MYLK: variants seen among roughly 807,000 people sequenced by gnomAD.
MYLK encodes myosin light chain kinase, smooth muscle.
MYLK carries 106 observed loss-of-function variants against 203.4 expected under a neutral mutation model. The observed-to-expected ratio is 0.52, with a 90% CI of 0.45 to 0.61. The LOEUF is 0.61. Ranked by LOEUF, MYLK falls within the 20% of genes least tolerant of loss-of-function variation. The pLI is 0.00. For synonymous variants in MYLK, 867 were observed against 959.5 expected, an observed-to-expected ratio of 0.90 and a Z score of 1.78; for missense variants, 2,072 against 2,442.3, an observed-to-expected ratio of 0.85 and a Z score of 3.20.
intron 2 of MYLK, among the ~76,000 whole-genome samples, chr3:123,865,384 A>C (rs4118366): frequency 0.81 from 123,906 of 152,162 alleles, 50,571 homozygotes; most frequent in East Asian, 0.96. Context: ...TTCAGCAGTG[A>C]AGAATATGAA....
intron 8 of MYLK, 75 bp downstream of exon 8, chr3:123,737,303 T>C: frequency 1.3e-6 from 2 of 1,596,962 alleles, no homozygotes; most frequent in East Asian, 4.5e-5. Flanking sequence ...AGGTGCGCAG[T>C]GAACAAGCAG....
At position 123,612,080 on chromosome 3, in the gene MYLK, T is replaced by C. The variant is rs1454948004; in HGVS notation, c.*2025A>G. On this transcript the variant is annotated 3_prime_UTR_variant, in exon 34 of 34. Transcript: ENST00000360304. Reference sequence around the variant, plus strand: ...TATCCTTCTAGAATGATTGATATAGTACTAAGCTGATGCTCAAGAGAAATT... The same window carrying C: ...TATCCTTCTAGAATGATTGATATAGCACTAAGCTGATGCTCAAGAGAAATT... 1 of 152,542 alleles carries C rather than the reference T, an allele frequency of 6.6e-6. No homozygotes were observed. The highest frequency in any genetic ancestry group is 6.5e-5 in the Admixed American group (1 of 15,280). The allele number at this position is 152,542 out of a possible 1,614,324, so 9.4% of individuals were successfully genotyped here. A position where few individuals can be genotyped will look rare whatever the true frequency, so the allele number is the denominator to read the frequency against.
intron 2 of MYLK, among the ~76,000 whole-genome samples, chr3:123,842,528 G>T (rs781560897): frequency 6.6e-6 from 1 of 152,110 alleles, no homozygotes; most frequent in Non-Finnish European, 1.5e-5. Context: ...TACAAAATAT[G>T]CATTACTCTT....
intron 18 of MYLK, among the ~76,000 whole-genome samples, chr3:123,695,839 A>T (rs982313804): frequency 6.6e-6 from 1 of 152,174 alleles, no homozygotes; most frequent in African/African-American, 2.4e-5. Context: ...ATAAAGATAA[A>T]GCTCTTCTCA....
intron 2 of MYLK, among the ~76,000 whole-genome samples, chr3:123,874,253 T>C (rs1192448031): frequency 6.6e-6 from 1 of 152,112 alleles, no homozygotes; most frequent in Non-Finnish European, 1.5e-5. Context: ...AAACTTACAA[T>C]AAAGCTACAA....
chr3:123,748,786 T>C (rs1042113824), intron 5 of MYLK, among the ~76,000 whole-genome samples: 1 of 152,090 alleles, frequency 6.6e-6, no homozygotes, highest in African/African-American at 2.4e-5. Context: ...AATAAATACA[T>C]AAGGCCGGGC....
At chr3:123,782,034 C>A (rs922178051) in intron 4 of MYLK, among the ~76,000 whole-genome samples, 5 of 152,132 alleles carry the variant, frequency 3.3e-5, no homozygotes, top group Non-Finnish European at 5.9e-5. Flanking sequence ...ACACACACTA[C>A]AACAGACACA....
At chr3:123,641,862 C>A in intron 27 of MYLK, among the ~76,000 whole-genome samples, 1 of 139,480 alleles carries the variant, frequency 7.2e-6, no homozygotes. Flanking sequence ...CCTTTCCTTT[C>A]TTTCGCTTTT....
At chr3:123,804,306 A>C (rs2065295055) in intron 3 of MYLK, among the ~76,000 whole-genome samples, 1 of 152,134 alleles carries the variant, frequency 6.6e-6, no homozygotes, top group African/African-American at 2.4e-5. Context: ...CCATGGCAGT[A>C]GGGTGTGCTA....
chr3:123,631,396 CA>C lies in MYLK; in HGVS notation c.4962-1771del, dbSNP rs34937543. On this transcript the variant is annotated intron_variant, in intron 29 of 33. Coordinates refer to ENST00000360304, the MANE Select transcript of MYLK (RefSeq NM_053025.4). ...CTGGGCAACAAGCGAAACTCAATCT[CA>C]AAAAAAAAAAAAAAAAGAGAGATGG... Among the ~76,000 whole-genome samples the C allele has an allele frequency of 3.2e-3, 382 of 117,838 alleles. 1 individual carries two copies. The highest frequency in any genetic ancestry group is 4.3e-3 in the Admixed American group (52 of 12,100). The allele number at this position is 117,838 out of a possible 152,430, so 77.3% of individuals were successfully genotyped here.
chr3:123,820,019 G>A (rs2065871352), intron 3 of MYLK, among the ~76,000 whole-genome samples: 1 of 152,032 alleles, frequency 6.6e-6, no homozygotes, highest in East Asian at 1.9e-4. Context: ...CAATTTGTTG[G>A]CAAGAGAACT....
intron 1 of MYLK, among the ~76,000 whole-genome samples, chr3:123,877,437 G>A (rs1392775299): frequency 6.6e-6 from 1 of 152,114 alleles, no homozygotes; most frequent in Non-Finnish European, 1.5e-5. Context: ...AGTACGGTCT[G>A]GTCAGGAAAA....
intron 4 of MYLK, among the ~76,000 whole-genome samples, chr3:123,788,590 A>G (rs980483145): frequency 8.0e-6 from 1 of 125,246 alleles, no homozygotes; most frequent in African/African-American, 3.1e-5. Flanking sequence ...TCCTGTGTCC[A>G]TGTGTTCTCA....
chr3:123,749,146 G>A (rs770365021), intron 5 of MYLK, among the ~76,000 whole-genome samples: 1 of 151,690 alleles, frequency 6.6e-6, no homozygotes, highest in Non-Finnish European at 1.5e-5. Context: ...CAGTGTAGTG[G>A]TGCAGGCCTA....
At chr3:123,693,374 C>T (rs372818279) in intron 18 of MYLK, 77 of 172,834 alleles carry the variant, frequency 4.5e-4, no homozygotes, top group African/African-American at 1.7e-3. Context: ...AGGCTAGGAG[C>T]CCTTGTCCAG....
intron 19 of MYLK, among the ~76,000 whole-genome samples, chr3:123,685,417 A>AGGTT (rs2060415875): frequency 6.6e-6 from 1 of 151,914 alleles, no homozygotes; most frequent in African/African-American, 2.4e-5. Flanking sequence ...ACATGGTGAA[A>AGGTT]CCCCGTCTCT....
rs1441815278 is a variant in MYLK, at chr3:123,611,802, G to GTGTT, written c.*2299_*2302dup. On this transcript the variant is annotated 3_prime_UTR_variant, in exon 34 of 34. Transcript: ENST00000360304. Reference sequence around the variant, plus strand: ...ATGGGAGACAGTGACAGATCATCAGGTGTTAGATTCTCATAAGGAGCGTGA... The same window carrying GTGTT: ...ATGGGAGACAGTGACAGATCATCAGGTGTTTGTTAGATTCTCATAAGGAGCGTGA... The GTGTT allele has an allele frequency of 1.9e-5, 3 of 155,392 alleles. No homozygotes were observed. The highest frequency in any genetic ancestry group is 2.8e-5 in the Non-Finnish European group (2 of 70,734). The allele number at this position is 155,392 out of a possible 1,614,324, so 9.6% of individuals were successfully genotyped here. A position where few individuals can be genotyped will look rare whatever the true frequency, so the allele number is the denominator to read the frequency against.
At chr3:123,845,277 G>A (rs1372168006) in intron 2 of MYLK, among the ~76,000 whole-genome samples, 1 of 152,058 alleles carries the variant, frequency 6.6e-6, no homozygotes, top group Non-Finnish European at 1.5e-5. Context: ...CATGAAATTG[G>A]AATAAAGAAG....
chr3:123,878,515 C>T (rs2033299295), intron 1 of MYLK, among the ~76,000 whole-genome samples: 1 of 152,290 alleles, frequency 6.6e-6, no homozygotes, highest in South Asian at 2.1e-4. Context: ...CCCCATTGGA[C>T]CCTCAGACTA....
Sources: allele counts gnomAD v4.1 joint callset (sites outside exome capture counted in the v4.1 genomes callset), GRCh38; gene constraint gnomAD v4.1.1; transcripts MANE v1.5; gene names NCBI Gene and HGNC (gene_info 2026-07-23, HGNC 2026-07-21).